Variants in MTUS1 observed in about 807,000 individuals in gnomAD.
MTUS1 encodes the protein microtubule associated scaffold protein 1.
MTUS1 carries 109 observed loss-of-function variants against 120.8 expected under a neutral mutation model. The ratio of observed to expected loss-of-function variants is 0.90; its 90% confidence interval spans 0.77 to 1.06. The LOEUF (loss-of-function observed/expected upper bound fraction) is 1.06, where lower values mean the gene tolerates loss of function less well. Ranked by LOEUF, MTUS1 falls within the 50% of genes least tolerant of loss-of-function variation. The pLI is 0.00. For synonymous variants in MTUS1, 737 were observed against 550.5 expected (o/e 1.34, Z -4.74); for missense variants, 2,210 against 1,486.3 (o/e 1.49, Z -8.01).
At chr8:17,678,788 T>TA (rs1286568943) in intron 7 of MTUS1, among the ~76,000 whole-genome samples, 1 of 149,906 alleles carries the variant, frequency 6.7e-6, no homozygotes, top group African/African-American at 2.4e-5. Context: ...TTTGAAGAAT[T>TA]AGAGGTTTGG....
At chr8:17,789,848 A>G (rs947618072) in intron 1 of MTUS1, among the ~76,000 whole-genome samples, 2 of 152,190 alleles carry the variant, frequency 1.3e-5, no homozygotes, top group African/African-American at 2.4e-5. Context: ...ATTTGGAAAT[A>G]GAGAACTGAT....
At position 17,723,762 on chromosome 8, in the gene MTUS1, C is replaced by T. The variant is rs764964957; in HGVS notation, c.2359G>A (p.Ala787Thr). 339 of 1,610,376 alleles carry T rather than the reference C, an allele frequency of 2.1e-4. 16 individuals are homozygous for T. The highest frequency in any genetic ancestry group is 2.8e-4 in the Non-Finnish European group (329 of 1,177,660). Residue 787 changes from alanine (A) to threonine (T), a missense_variant, in exon 4 of 15, where the codon GCA becomes ACA. Ala to Thr is a moderately conservative substitution (Grantham distance 58, BLOSUM62 0). Coordinates refer to ENST00000693296, the MANE Select transcript of MTUS1 (RefSeq NM_001363059.2). ...NLPRPLPKSK[A>T]SLKSPALRRT... ...CGCAGCGCAGGACTTTTCAAAGATG[C>T]TTTGGATTTAGGAAGTGGTCTAGGC...
At chr8:17,694,180 G>A (rs955914874) in intron 6 of MTUS1, among the ~76,000 whole-genome samples, 1 of 152,100 alleles carries the variant, frequency 6.6e-6, no homozygotes, top group African/African-American at 2.4e-5. Context: ...TCTTCCCTTG[G>A]CCTCCCAAAG....
intron 1 of MTUS1, among the ~76,000 whole-genome samples, chr8:17,794,552 T>G (rs1246347070): frequency 6.6e-6 from 1 of 152,150 alleles, no homozygotes; most frequent in Non-Finnish European, 1.5e-5. Context: ...TAAATCCATT[T>G]CTCATTCTCC....
intron 1 of MTUS1, among the ~76,000 whole-genome samples, chr8:17,796,883 T>C (rs1372668417): frequency 1.3e-5 from 2 of 152,122 alleles, no homozygotes; most frequent in Non-Finnish European, 2.9e-5. Context: ...GAGGCTGACG[T>C]AGGCAATCAC....
At position 17,698,145 on chromosome 8, in the gene MTUS1, C is replaced by T. The variant is rs400729; in HGVS notation, c.2624-13603G>A. On this transcript the variant is annotated intron_variant, in intron 6 of 14. Transcript: ENST00000693296. ...AATAATCAACAGTAAAAGATTAATA[C>T]GGTTTCTCTATCAGATGTAATATCA... is the stretch of plus-strand genomic sequence containing the variant. Among the ~76,000 whole-genome samples, 6 of 152,112 alleles carry T rather than the reference C, an allele frequency of 3.9e-5. No individual in the cohort carries two copies. The South Asian group carries it at 8.3e-4, about 21-fold the overall frequency.
intron 7 of MTUS1, among the ~76,000 whole-genome samples, chr8:17,682,987 T>C (rs1299731205): frequency 1.3e-5 from 2 of 152,072 alleles, no homozygotes; most frequent in Non-Finnish European, 2.9e-5. Context: ...CAAGAAATCA[T>C]TAAGGCTGGG....
intron 1 of MTUS1, among the ~76,000 whole-genome samples, chr8:17,769,273 T>C (rs929239294): frequency 4.7e-5 from 6 of 127,296 alleles, no homozygotes; most frequent in East Asian, 4.9e-4. Context: ...TCCTAAAACC[T>C]CCAAACCAGC....
intron 3 of MTUS1, among the ~76,000 whole-genome samples, chr8:17,740,992 A>G (rs1282630433): frequency 2.0e-5 from 3 of 151,868 alleles, no homozygotes; most frequent in Non-Finnish European, 4.4e-5. Context: ...CACCCTCCCC[A>G]ATAGCTGGGA....
chr8:17,776,134 T>C (rs987397744), intron 1 of MTUS1, among the ~76,000 whole-genome samples: 16 of 151,850 alleles, frequency 1.1e-4, no homozygotes, highest in East Asian at 3.9e-4. Flanking sequence ...AGATTGAACA[T>C]AGTCGGGAGA....
chr8:17,801,457 G>T (rs555676095), upstream of MTUS1: 118 of 151,922 alleles, frequency 7.8e-4, 1 homozygote, highest in African/African-American at 2.7e-3. Context: ...GTGCGAGGCC[G>T]TACCTCGGGG....
At chr8:17,700,364 G>A (rs1448747086) in intron 6 of MTUS1, among the ~76,000 whole-genome samples, 2 of 150,404 alleles carry the variant, frequency 1.3e-5, no homozygotes, top group African/African-American at 4.9e-5. Context: ...CAGCTACTCA[G>A]GAAGCTGAGG....
chr8:17,696,362 G>C (rs976191093), intron 6 of MTUS1, among the ~76,000 whole-genome samples: 1 of 152,062 alleles, frequency 6.6e-6, no homozygotes, highest in African/African-American at 2.4e-5. Context: ...GATGAGCCAC[G>C]TGGAAAATAA....
Position 17,753,913 on chromosome 8 carries a change from G to C in MTUS1, c.1895C>G (p.Ala632Gly). Reference protein sequence around the residue: ...NSACETGSVSALFQKIKGILP... With the variant: ...NSACETGSVSGLFQKIKGILP... ...TATGCCTTTGATCTTCTGAAACAAC[G>C]CAGAAACGGACCCGGTCTCGCATGC... is the stretch of plus-strand genomic sequence containing the variant. The change falls in exon 2 of 15, where the codon GCG becomes GGG. Residue 632 changes from alanine (A) to glycine (G), a missense_variant. Physicochemically the swap from Ala to Gly is moderately conservative, Grantham distance 60. Coordinates refer to ENST00000693296, the MANE Select transcript of MTUS1 (RefSeq NM_001363059.2). 4 of 1,614,054 alleles carry C rather than the reference G, an allele frequency of 2.5e-6. No homozygotes were observed. The highest frequency in any genetic ancestry group is 3.4e-6 in the Non-Finnish European group (4 of 1,180,020).
chr8:17,728,105 TA>T (rs1172429831), intron 3 of MTUS1, among the ~76,000 whole-genome samples: 7 of 152,164 alleles, frequency 4.6e-5, no homozygotes, highest in Non-Finnish European at 2.9e-5. Flanking sequence ...TCCTATTCTG[TA>T]AAACAAAATG....
At chr8:17,735,826 G>C (rs2046886110) in intron 3 of MTUS1, among the ~76,000 whole-genome samples, 1 of 152,226 alleles carries the variant, frequency 6.6e-6, no homozygotes, top group African/African-American at 2.4e-5. Context: ...AAATAACTAA[G>C]AGCTGAACTC....
chr8:17,653,191 T>C lies in MTUS1; in HGVS notation c.3379A>G (p.Asn1127Asp). 6.5e-7 allele frequency: 1 copy of C among 1,531,468 alleles called. No individual in the cohort carries two copies. Among genetic ancestry groups the C allele is most frequent in the Non-Finnish European group, 8.8e-7 (1 of 1,140,330 alleles). The allele number at this position is 1,531,468 out of a possible 1,614,324, so 94.9% of individuals were successfully genotyped here. ...EQKRRAREKA[N>D]LKNPQIMYLE... ...AAGGAGCACACACAACTTACCAAAT[T>C]TGCTTTTTCTCTTGCTCTTCTTTTT... Residue 1127 changes from asparagine to aspartate, a missense_variant, in exon 12 of 15, where the codon AAT (asparagine) becomes GAT (aspartate). By Grantham distance (23) the Asn-to-Asp change is conservative (BLOSUM62 1). Transcript: ENST00000693296.
At chr8:17,743,083 C>T (rs2047460676) in intron 3 of MTUS1, among the ~76,000 whole-genome samples, 1 of 151,092 alleles carries the variant, frequency 6.6e-6, no homozygotes, top group Non-Finnish European at 1.5e-5. Flanking sequence ...ATTTCATTGG[C>T]CTAACATGAC....
chr8:17,676,341 T>G (rs532117696), intron 7 of MTUS1: 1 of 703,034 alleles, frequency 1.4e-6, no homozygotes, highest in Non-Finnish European at 2.6e-6. Flanking sequence ...TTCCAGCTTC[T>G]GTCTCCAAGT....
Sources: gnomAD v4.1 joint callset for allele counts (sites outside exome capture counted in the v4.1 genomes callset) on GRCh38, gnomAD v4.1.1 for gene constraint, MANE v1.5 for transcripts, NCBI Gene and HGNC (gene_info 2026-07-23, HGNC 2026-07-21) for gene names.